TYW1: variants seen among roughly 807,000 people sequenced by gnomAD.
The protein encoded by TYW1 is S-adenosyl-L-methionine-dependent tRNA 4-demethylwyosine synthase TYW1.
In TYW1, 46 loss-of-function variants were observed where a neutral mutation model predicts 96.2. The observed-to-expected ratio is 0.48, with a 90% confidence interval of 0.38 to 0.61. The LOEUF (loss-of-function observed/expected upper bound fraction) is 0.61. TYW1 is among the 20% of genes least tolerant of loss of function. TYW1 has a pLI of 0.00. For missense variants in TYW1, 684 were observed against 909.6 expected (o/e 0.75, Z 3.19); for synonymous variants, 274 against 323.0 (o/e 0.85, Z 1.63).
intron 12 of TYW1, among the ~76,000 whole-genome samples, chr7:67,102,378 G>T (rs1486975555): frequency 1.1e-4 from 16 of 152,172 alleles, no homozygotes; most frequent in Admixed American, 1.0e-3. Flanking sequence ...TGTGGAATAC[G>T]ACAAGATGTT....
intron 12 of TYW1, among the ~76,000 whole-genome samples, chr7:67,103,641 A>G (rs891021388): frequency 1.3e-5 from 2 of 152,188 alleles, no homozygotes; most frequent in African/African-American, 4.8e-5. Context: ...AATCTTACTT[A>G]TTTCTGTGAA....
chr7:67,151,586 A>G (rs1798800798), intron 13 of TYW1, among the ~76,000 whole-genome samples: 1 of 152,160 alleles, frequency 6.6e-6, no homozygotes, highest in South Asian at 2.1e-4. Context: ...ATAGAGGAAT[A>G]TATCTACAAG....
At chr7:67,021,341 G>A (rs1794263071) in intron 6 of TYW1, among the ~76,000 whole-genome samples, 1 of 152,280 alleles carries the variant, frequency 6.6e-6, no homozygotes, top group South Asian at 2.1e-4. Context: ...TTCTTCCCAT[G>A]TCATGTGCTT....
chr7:67,137,877 G>A (rs1798316196), intron 13 of TYW1, among the ~76,000 whole-genome samples: 1 of 152,192 alleles, frequency 6.6e-6, no homozygotes, highest in South Asian at 2.1e-4. Context: ...CACAGCCACT[G>A]CCGAAAACAA....
intron 13 of TYW1, among the ~76,000 whole-genome samples, chr7:67,181,923 G>T (rs1799855550): frequency 1.3e-5 from 2 of 152,202 alleles, no homozygotes; most frequent in African/African-American, 4.8e-5. Flanking sequence ...TCACCTCCCA[G>T]GTTCAAATGA....
At chr7:67,014,735 AATTG>A (rs1793956773) in intron 5 of TYW1, among the ~76,000 whole-genome samples, 174 bp downstream of exon 5, 1 of 152,084 alleles carries the variant, frequency 6.6e-6, no homozygotes, top group African/African-American at 2.4e-5. Flanking sequence ...TTATTTTATT[AATTG>A]ATTGATTGAG....
At chr7:67,142,294 G>A (rs1369835956) in intron 13 of TYW1, among the ~76,000 whole-genome samples, 2 of 152,072 alleles carry the variant, frequency 1.3e-5, no homozygotes, top group Non-Finnish European at 2.9e-5. Flanking sequence ...TGTAGAAATG[G>A]GGTCTCACTG....
intron 14 of TYW1, among the ~76,000 whole-genome samples, chr7:67,186,764 A>G (rs1800038174): frequency 6.6e-6 from 1 of 152,150 alleles, no homozygotes; most frequent in Non-Finnish European, 1.5e-5. Flanking sequence ...AAGTGCTGGG[A>G]TTACAGACAT....
chr7:67,131,564 G>A (rs1460053162), intron 13 of TYW1, among the ~76,000 whole-genome samples: 2 of 152,024 alleles, frequency 1.3e-5, no homozygotes, highest in East Asian at 1.9e-4. Context: ...TTCATGTTTG[G>A]TGTTTATCAT....
intron 9 of TYW1, among the ~76,000 whole-genome samples, chr7:67,064,786 A>C (rs1404026761): frequency 6.6e-6 from 1 of 152,210 alleles, no homozygotes; most frequent in African/African-American, 2.4e-5. Flanking sequence ...AACCATTTCA[A>C]GTTCCATGGT....
intron 3 of TYW1, among the ~76,000 whole-genome samples, chr7:67,006,436 T>C (rs1793590512): frequency 7.5e-6 from 1 of 133,130 alleles, no homozygotes; most frequent in African/African-American, 2.8e-5. Context: ...ATTTCTTTTT[T>C]CCTTTTTTTT....
intron 10 of TYW1, among the ~76,000 whole-genome samples, chr7:67,078,151 A>G (rs1373516987): frequency 6.6e-6 from 1 of 151,368 alleles, no homozygotes; most frequent in Admixed American, 6.6e-5. Context: ...GCTGGAGTGC[A>G]ATGATGTGAT....
Position 67,195,152 on chromosome 7 carries a change from G to A in TYW1, c.1810-18G>A. 1 of 1,612,812 alleles carries A rather than the reference G, an allele frequency of 6.2e-7. No individual in the cohort carries two copies. Among genetic ancestry groups the A allele is most frequent in the South Asian group, 1.1e-5 (1 of 90,924 alleles). ...GGTAGGTCTGTAGTCATCTCTGATG[G>A]TTATACTGTTTCCACAGGGCGTTAC... On this transcript the variant is annotated intron_variant, in intron 14 of 15. Coordinates refer to ENST00000359626, the MANE Select transcript of TYW1 (RefSeq NM_018264.4).
At position 67,055,842 on chromosome 7, in the gene TYW1, G is replaced by A. The variant is rs1795498401; in HGVS notation, c.1110G>A (p.Gln370=). Residue 370 remains glutamine, a synonymous_variant, in exon 9 of 16, where the codon CAG becomes CAA. Transcript: ENST00000359626. ...LREALTKQGY[Q]LIGSHSGVKL... is the part of the protein sequence containing the mutation. ...CCCTGCTTTTCCACTCAGGTTATCA[G>A]TTGATTGGGAGCCACTCGGGGGTGA... The A allele has an allele frequency of 1.9e-6, 3 of 1,612,698 alleles. No individual in the cohort carries two copies. Among genetic ancestry groups the A allele is most frequent in the Non-Finnish European group, 2.5e-6 (3 of 1,179,350 alleles).
chr7:67,199,777 C>G (rs1034019561), intron 15 of TYW1, among the ~76,000 whole-genome samples: 16 of 152,262 alleles, frequency 1.1e-4, no homozygotes, highest in African/African-American at 3.4e-4. Context: ...AATTAAATCC[C>G]TCATATCCTT....
At chr7:67,118,034 G>A (rs1797648979) in intron 13 of TYW1, among the ~76,000 whole-genome samples, 1 of 152,074 alleles carries the variant, frequency 6.6e-6, no homozygotes, top group African/African-American at 2.4e-5. Flanking sequence ...ATATAAAATC[G>A]CATAGGCCAA....
At chr7:67,188,201 T>A (rs1800089662) in intron 14 of TYW1, among the ~76,000 whole-genome samples, 1 of 152,086 alleles carries the variant, frequency 6.6e-6, no homozygotes, top group African/African-American at 2.4e-5. Flanking sequence ...GTGCCTATAA[T>A]CCCAGCTACT....
At chr7:67,035,394 G>A (rs979962898) in intron 7 of TYW1, among the ~76,000 whole-genome samples, 2 of 152,096 alleles carry the variant, frequency 1.3e-5, no homozygotes, top group African/African-American at 4.8e-5. Context: ...GGGATTACAA[G>A]CGTGAGCCAC....
At chr7:67,149,245 T>C (rs1798713419) in intron 13 of TYW1, among the ~76,000 whole-genome samples, 2 of 152,208 alleles carry the variant, frequency 1.3e-5, no homozygotes. Context: ...AAAAGAATGA[T>C]CAGAAGCTAA....
Sources: allele counts gnomAD v4.1 joint callset (sites outside exome capture counted in the v4.1 genomes callset), GRCh38; gene constraint gnomAD v4.1.1; transcripts MANE v1.5; gene names NCBI Gene and HGNC (gene_info 2026-07-23, HGNC 2026-07-21).